The following CRYGN variants were observed in gnomAD, a reference collection of about 807,000 sequenced individuals.
CRYGN encodes the protein crystallin gamma N.
In CRYGN, 17 loss-of-function variants were observed where a neutral mutation model predicts 19.2. The ratio of observed to expected loss-of-function variants is 0.89; its 90% confidence interval spans 0.61 to 1.33. The LOEUF is 1.33. CRYGN is among the 40% of genes most tolerant of loss of function. The pLI is 0.00. For synonymous variants in CRYGN, 84 were observed against 85.8 expected, an observed-to-expected ratio of 0.98 and a Z score of 0.12; for missense variants, 239 against 239.6, an observed-to-expected ratio of 1.00 and a Z score of 0.02.
chr7:151,437,731 G>GCAGCTAGATTTTTGGCTCCGAAACTTA, intron 2 of CRYGN: 2 of 1,038,058 alleles, frequency 1.9e-6, no homozygotes, highest in Non-Finnish European at 2.7e-6. Context: ...AATGGAAAAT[G>GCAGCTAGATTTTTGGCTCCGAAACTTA]CAGCTAGATT....
In CRYGN at chr7:151,436,981, C is replaced by T. The variant is rs577139822; in HGVS notation, c.271-656G>A. ...GGCCTGGTCTGCGTCACAGCTGGCC[C>T]CAGGCTAGCTCTTAGGAGAACAGCA... On this transcript the variant is annotated intron_variant, in intron 2 of 3. Coordinates refer to ENST00000337323, the MANE Select transcript of CRYGN (RefSeq NM_144727.3). The surrounding 1 kb of genome is among the most constrained non-coding windows in gnomAD (Gnocchi z 5.1). 99 of 152,194 alleles carry T rather than the reference C, an allele frequency of 6.5e-4. No individual in the cohort carries two copies. Among genetic ancestry groups the T allele is most frequent in the African/African-American group, 2.3e-3 (94 of 41,512 alleles). 9.4% of individuals were successfully genotyped at this position (152,194 alleles called of 1,614,324 possible).
rs1005404627 is a variant in CRYGN at position 151,436,121 on chromosome 7, C to T, written c.416+59G>A. 39 of 1,334,352 alleles carry T rather than the reference C, an allele frequency of 2.9e-5. No homozygotes were observed. The highest frequency in any genetic ancestry group is 3.0e-5 in the Admixed American group (1 of 33,076). The allele number at this position is 1,334,352 out of a possible 1,614,324, so 82.7% of individuals were successfully genotyped here. ...CCCCTGTGTGGCGGGCAGCCTCCCA[C>T]GCCTGGTGCTGAAGGGCCTAGCCGG... On this transcript the variant is annotated intron_variant, in intron 3 of 3. Transcript: ENST00000337323. The surrounding 1 kb of genome is among the most constrained non-coding windows in gnomAD (Gnocchi z 5.1).
chr7:151,434,476 A>G (rs1400116465), intron 3 of CRYGN, among the ~76,000 whole-genome samples: 1 of 152,144 alleles, frequency 6.6e-6, no homozygotes, highest in Non-Finnish European at 1.5e-5. Context: ...GCAAAATGCA[A>G]TTTCGTAAAA....
At chr7:151,432,334 G>C (rs775926146) in intron 3 of CRYGN, 31 of 1,084,174 alleles carry the variant, frequency 2.9e-5, no homozygotes, top group Non-Finnish European at 3.5e-5. Context: ...AGTCCCCCGG[G>C]ACTCCGGAGA....
rs1801616626 is a variant in CRYGN, at chr7:151,436,670, G to A, written c.271-345C>T. ...GGGCTCCCTCTGGGTGCTCAGCGTGGGGGACTCCGGCCCTGATCACAGCCA... is the reference window on the plus strand; with the variant it reads ...GGGCTCCCTCTGGGTGCTCAGCGTGAGGGACTCCGGCCCTGATCACAGCCA... On this transcript the variant is annotated intron_variant, in intron 2 of 3. Transcript: ENST00000337323. This position sits in a 1 kb window ranked among gnomAD's most constrained non-coding sequence, Gnocchi z 5.1. Among the ~76,000 whole-genome samples the A allele has an allele frequency of 6.6e-6, 1 of 152,148 alleles. No individual in the cohort carries two copies. Among genetic ancestry groups the A allele is most frequent in the Non-Finnish European group, 1.5e-5 (1 of 68,028 alleles).
At chr7:151,432,947 CTG>C (rs1028198621) in intron 3 of CRYGN, among the ~76,000 whole-genome samples, 1 of 152,242 alleles carries the variant, frequency 6.6e-6, no homozygotes, top group Non-Finnish European at 1.5e-5. Context: ...GTGCCCAACA[CTG>C]TGTCAGGTAC....
In CRYGN at chr7:151,433,942, G is replaced by A. The variant is rs1801535008; in HGVS notation, c.416+2238C>T. Among the ~76,000 whole-genome samples the A allele has an allele frequency of 6.6e-6, 1 of 152,084 alleles. No individual in the cohort carries two copies. The highest frequency in any genetic ancestry group is 2.4e-5 in the African/African-American group (1 of 41,404). The stretch of plus-strand genomic sequence containing the variant: ...AACGCCAGTGCATTTCCCTCCGAGA[G>A]CCCACCAGGACACGGGTCTGAGGGG... On this transcript the variant is annotated intron_variant, in intron 3 of 3. Coordinates refer to ENST00000337323, the MANE Select transcript of CRYGN (RefSeq NM_144727.3). The surrounding 1 kb of genome is among the most constrained non-coding windows in gnomAD (Gnocchi z 5.1).
intron 2 of CRYGN, among the ~76,000 whole-genome samples, chr7:151,437,383 T>C (rs1428682153): frequency 6.6e-6 from 1 of 152,168 alleles, no homozygotes; most frequent in Non-Finnish European, 1.5e-5. Context: ...ACCCATGACC[T>C]GGGGGAACGG....
At chr7:151,432,092 G>A (rs577233861) in intron 3 of CRYGN, 173 of 882,982 alleles carry the variant, frequency 2.0e-4, no homozygotes, top group Non-Finnish European at 2.4e-4. Context: ...GGGTGGGACC[G>A]CAAGGGGTTG....
chr7:151,434,436 C>T (rs1409840949), intron 3 of CRYGN, among the ~76,000 whole-genome samples: 3 of 152,164 alleles, frequency 2.0e-5, no homozygotes, highest in African/African-American at 7.2e-5. Flanking sequence ...TGGAATGCCA[C>T]CCCTGGGCTC....
rs778037386 is a variant in CRYGN, at chr7:151,438,043, A to G, written c.223T>C (p.Trp75Arg). The change falls in exon 2 of 4, where the codon TGG becomes CGG. Residue 75 changes from tryptophan to arginine, a missense_variant. Coordinates refer to ENST00000337323, the MANE Select transcript of CRYGN (RefSeq NM_144727.3). ...CCCATGTGGTCACTGTGGCTGTTCC[A>G]GCGGAAGAAGTCGGGGTAGTCGCCG... ...EHGDYPDFFR[W>R]NSHSDHMGSC... 21 of 1,613,962 alleles carry G rather than the reference A, an allele frequency of 1.3e-5. No individual in the cohort carries two copies. The highest frequency in any genetic ancestry group is 1.7e-5 in the Non-Finnish European group (20 of 1,180,032).
At position 151,438,076 on chromosome 7, in the gene CRYGN, A is replaced by G; in HGVS notation, c.190T>C (p.Leu64=). The change falls in exon 2 of 4, where the codon TTG becomes CTG. Residue 64 remains leucine, a synonymous_variant. Transcript: ENST00000337323. ...AAGTCGGGGTAGTCGCCGTGCTCCA[A>G]GATGAACTGCTGGCCCCGGAAGTCG... ...HPDFRGQQFI[L]EHGDYPDFFR... The G allele has an allele frequency of 1.2e-6, 2 of 1,614,150 alleles. No individual in the cohort carries two copies. The highest frequency in any genetic ancestry group is 1.7e-6 in the Non-Finnish European group (2 of 1,180,022).
At position 151,429,881 on chromosome 7, in the gene CRYGN, C is replaced by T. The variant is rs955824148; in HGVS notation, c.*167G>A. 3.1e-6 allele frequency: 2 copies of T among 652,490 alleles called. No homozygotes were observed. The highest frequency in any genetic ancestry group is 3.6e-5 in the African/African-American group (2 of 55,816). The allele number at this position is 652,490 out of a possible 1,614,324, so 40.4% of individuals were successfully genotyped here. A position where few individuals can be genotyped will look rare whatever the true frequency, so the allele number is the denominator to read the frequency against. ...ACGGCTGTTTCAGAAGAGACAGGGCCCTTGCCATGGGTGGGGAGGGCCTCC... is the reference window on the plus strand; with the variant it reads ...ACGGCTGTTTCAGAAGAGACAGGGCTCTTGCCATGGGTGGGGAGGGCCTCC... On this transcript the variant is annotated 3_prime_UTR_variant, in exon 4 of 4. Coordinates refer to ENST00000337323, the MANE Select transcript of CRYGN (RefSeq NM_144727.3).
chr7:151,436,363 T>A lies in CRYGN; in HGVS notation c.271-38A>T. ...GCAAAAAAGAAGGAAAGAAGGAGGT[T>A]GCTGTGAATTCCCCTCTCCCAGAAA... is the stretch of plus-strand genomic sequence containing the variant. On this transcript the variant is annotated intron_variant, in intron 2 of 3. Transcript: ENST00000337323. This position sits in a 1 kb window ranked among gnomAD's most constrained non-coding sequence, Gnocchi z 5.1. The A allele has an allele frequency of 8.6e-6, 12 of 1,396,034 alleles. No individual in the cohort carries two copies. The highest frequency in any genetic ancestry group is 2.9e-5 in the African/African-American group (2 of 68,112). 86.5% of individuals were successfully genotyped at this position (1,396,034 alleles called of 1,614,324 possible).
rs1024427707 is a variant in CRYGN at position 151,435,348 on chromosome 7, C to T, written c.416+832G>A. On this transcript the variant is annotated intron_variant, in intron 3 of 3. Transcript: ENST00000337323. This position sits in a 1 kb window ranked among gnomAD's most constrained non-coding sequence, Gnocchi z 4.2. ...TCTCAGCTGTGCCACTCCCACGGGGCGGCCGGGCAGTCAGCCTTCTGAGTC... is the reference window on the plus strand; with the variant it reads ...TCTCAGCTGTGCCACTCCCACGGGGTGGCCGGGCAGTCAGCCTTCTGAGTC... 1.3e-5 allele frequency among the ~76,000 whole-genome samples: 2 copies of T among 152,176 alleles called. No homozygotes were observed. Among genetic ancestry groups the T allele is most frequent in the African/African-American group, 4.8e-5 (2 of 41,438 alleles).
At position 151,435,217 on chromosome 7, in the gene CRYGN, C is replaced by T. The variant is rs1801572782; in HGVS notation, c.416+963G>A. On this transcript the variant is annotated intron_variant, in intron 3 of 3. Coordinates refer to ENST00000337323, the MANE Select transcript of CRYGN (RefSeq NM_144727.3). This position sits in a 1 kb window ranked among gnomAD's most constrained non-coding sequence, Gnocchi z 4.2. ...CTTCGATAGGCGCCAGAACCATGCACAGCCAGCTGGAACCTGTGTGAGGGG... is the reference window on the plus strand; with the variant it reads ...CTTCGATAGGCGCCAGAACCATGCATAGCCAGCTGGAACCTGTGTGAGGGG... 6.6e-6 allele frequency among the ~76,000 whole-genome samples: 1 copy of T among 152,214 alleles called. No homozygotes were observed. Among genetic ancestry groups the T allele is most frequent in the Non-Finnish European group, 1.5e-5 (1 of 68,042 alleles).
rs1416980240 is a variant in CRYGN at position 151,431,254 on chromosome 7, C to T, written c.417-1074G>A. ...CTCCCCAGTGAGTTGGAAGCATAGG[C>T]GTGGGTGGGGAGGGAGTGGGGGGAT... is the stretch of plus-strand genomic sequence containing the variant. On this transcript the variant is annotated intron_variant, in intron 3 of 3. Transcript: ENST00000337323. This position sits in a 1 kb window ranked among gnomAD's most constrained non-coding sequence, Gnocchi z 4.8. Among the ~76,000 whole-genome samples, 1 of 152,118 alleles carries T rather than the reference C, an allele frequency of 6.6e-6. No homozygotes were observed. The highest frequency in any genetic ancestry group is 1.9e-4 in the East Asian group (1 of 5,196).
Position 151,429,836 on chromosome 7 carries a change from G to A in CRYGN, c.*212C>T. 1 of 588,856 alleles carries A rather than the reference G, an allele frequency of 1.7e-6. No individual in the cohort carries two copies. The highest frequency in any genetic ancestry group is 2.0e-5 in the South Asian group (1 of 50,104). 36.5% of individuals were successfully genotyped at this position (588,856 alleles called of 1,614,324 possible). ...CAGCAGGGTGCCAAGGCCCAAGGAG[G>A]CTGTGGGGTGGAGGGTTGGACGGCT... On this transcript the variant is annotated 3_prime_UTR_variant, in exon 4 of 4. Transcript: ENST00000337323.
In CRYGN at chr7:151,430,420, G is replaced by A. The variant is rs1339365430; in HGVS notation, c.417-240C>T. 2.6e-5 allele frequency among the ~76,000 whole-genome samples: 4 copies of A among 152,256 alleles called. No homozygotes were observed. In the East Asian group the frequency reaches 7.7e-4, roughly 29 times the overall value. On this transcript the variant is annotated intron_variant, in intron 3 of 3. Coordinates refer to ENST00000337323, the MANE Select transcript of CRYGN (RefSeq NM_144727.3). This position sits in a 1 kb window ranked among gnomAD's most constrained non-coding sequence, Gnocchi z 5.2. ...GCCACCCAGCTCTTGGTGGGGAATT[G>A]TCTTGGGTGAATTGGGTGACCCATC...
Sources: allele counts gnomAD v4.1 joint callset (sites outside exome capture counted in the v4.1 genomes callset), GRCh38; gene constraint gnomAD v4.1.1; non-coding constraint Gnocchi (gnomAD v3.1); transcripts MANE v1.5; gene names NCBI Gene and HGNC (gene_info 2026-07-23, HGNC 2026-07-21).